TNFSF10: variants seen among roughly 807,000 people sequenced by gnomAD.
TNFSF10 encodes TNF superfamily member 10.
A neutral mutation model predicts 29.5 loss-of-function variants in TNFSF10; 13 were observed. The observed-to-expected ratio is 0.44, with a 90% confidence interval of 0.29 to 0.70. The LOEUF is 0.70. Among genes scored for constraint, TNFSF10 ranks in the 30% least tolerant of loss-of-function variants. TNFSF10 has a pLI of 0.13. For missense variants in TNFSF10, 345 were observed against 330.9 expected (o/e 1.04, Z -0.33); for synonymous variants, 111 against 112.8 (o/e 0.98, Z 0.10).
intron 4 of TNFSF10, among the ~76,000 whole-genome samples, chr3:172,508,438 G>A (rs544075247): frequency 6.6e-6 from 1 of 152,230 alleles, no homozygotes; most frequent in South Asian, 2.1e-4. Flanking sequence ...GTAAAATATG[G>A]TCAAATATTG....
In TNFSF10 at chr3:172,506,280, T is replaced by A; in HGVS notation, c.*212A>T. On this transcript the variant is annotated 3_prime_UTR_variant, in exon 5 of 5. Coordinates refer to ENST00000241261, the MANE Select transcript of TNFSF10 (RefSeq NM_003810.4). Reference sequence around the variant, plus strand: ...AGTCCTGAAAGATCTTTCAGCAATTTCATTCTCTTGGGATAAGTGAGTCAC... The same window carrying A: ...AGTCCTGAAAGATCTTTCAGCAATTACATTCTCTTGGGATAAGTGAGTCAC... 3.9e-6 allele frequency: 2 copies of A among 516,552 alleles called. No individual in the cohort carries two copies. The highest frequency in any genetic ancestry group is 7.1e-5 in the South Asian group (2 of 28,150). 32.0% of individuals were successfully genotyped at this position (516,552 alleles called of 1,614,324 possible). A position where few individuals can be genotyped will look rare whatever the true frequency, so the allele number is the denominator to read the frequency against.
chr3:172,513,215 A>G (rs1713296681), intron 2 of TNFSF10, among the ~76,000 whole-genome samples: 1 of 152,138 alleles, frequency 6.6e-6, no homozygotes, highest in South Asian at 2.1e-4. Context: ...CTCCCTGTCC[A>G]CAGCACCCAG....
rs1156619481 is a variant in TNFSF10 at position 172,523,240 on chromosome 3, G to C, written c.132+13C>G. Reference sequence around the variant, plus strand: ...AAGCGCCTCGAAGACTGAGTGCACTGCACTGCACTGACCTGCTTCAGCTCG... The same window carrying C: ...AAGCGCCTCGAAGACTGAGTGCACTCCACTGCACTGACCTGCTTCAGCTCG... On this transcript the variant is annotated intron_variant, in intron 1 of 4. Coordinates refer to ENST00000241261, the MANE Select transcript of TNFSF10 (RefSeq NM_003810.4). The C allele has an allele frequency of 6.2e-7, 1 of 1,611,550 alleles. No individual in the cohort carries two copies. The highest frequency in any genetic ancestry group is 8.5e-7 in the Non-Finnish European group (1 of 1,178,180).
chr3:172,506,537 G>A lies in TNFSF10; in HGVS notation c.801C>T (p.Asp267=), dbSNP rs781185875. 1 of 1,613,896 alleles carries A rather than the reference G, an allele frequency of 6.2e-7. No individual in the cohort carries two copies. The highest frequency in any genetic ancestry group is 1.1e-5 in the South Asian group (1 of 90,988). ...FVSVTNEHLI[D]MDHEASFFGA... ...CAAAAAAACTGGCTTCATGGTCCATGTCTATCAAGTGCTCATTTGTTACAG... is the reference window on the plus strand; with the variant it reads ...CAAAAAAACTGGCTTCATGGTCCATATCTATCAAGTGCTCATTTGTTACAG... The change falls in exon 5 of 5, where the codon GAC becomes GAT. Residue 267 remains aspartate (D), a synonymous_variant. Transcript: ENST00000241261.
Position 172,514,870 on chromosome 3 carries a change from G to C in TNFSF10, c.261C>G (p.Leu87=), listed in dbSNP as rs1291288240. ...CWQVKWQLRQ[L]VRKMILRTSE... is the part of the protein sequence containing the mutation. ...TGGTGAGGTTACCTACCTTTCTAAC[G>C]AGCTGACGGAGTTGCCACTTGACTT... The change falls in exon 2 of 5, where the codon CTC becomes CTG. Residue 87 remains leucine, a synonymous_variant. Coordinates refer to ENST00000241261, the MANE Select transcript of TNFSF10 (RefSeq NM_003810.4). The C allele has an allele frequency of 6.2e-7, 1 of 1,614,018 alleles. No individual in the cohort carries two copies. Among genetic ancestry groups the C allele is most frequent in the African/African-American group, 1.3e-5 (1 of 74,894 alleles).
chr3:172,520,060 G>T (rs1264765774), intron 1 of TNFSF10, among the ~76,000 whole-genome samples: 1 of 152,204 alleles, frequency 6.6e-6, no homozygotes, highest in East Asian at 1.9e-4. Flanking sequence ...GTAAAAAGTG[G>T]TTGTGGTGGT....
chr3:172,517,643 A>G, intron 1 of TNFSF10: 13 of 985,406 alleles, frequency 1.3e-5, no homozygotes, highest in Non-Finnish European at 1.6e-5. Context: ...GGGTGAGATC[A>G]GACTGTGTGT....
At chr3:172,521,991 C>T (rs1040368237) in intron 1 of TNFSF10, among the ~76,000 whole-genome samples, 3 of 151,736 alleles carry the variant, frequency 2.0e-5, no homozygotes, top group African/African-American at 7.3e-5. Flanking sequence ...GGGAGTTGAA[C>T]AGTGAGAGCA....
chr3:172,517,387 A>G, intron 1 of TNFSF10: 1 of 985,376 alleles, frequency 1.0e-6, no homozygotes, highest in South Asian at 4.7e-5. Context: ...TCCTGGGTAT[A>G]AGTGGATGGG....
At chr3:172,509,059 T>C (rs1349742027) in intron 4 of TNFSF10, 158 bp downstream of exon 4, 3 of 484,720 alleles carry the variant, frequency 6.2e-6, no homozygotes, top group African/African-American at 6.0e-5. Flanking sequence ...TTGTCTGTAA[T>C]CTTGCATCTG....
chr3:172,511,729 C>A, intron 2 of TNFSF10, 70 bp from the exon 3 acceptor site: 1 of 1,349,692 alleles, frequency 7.4e-7, no homozygotes. Flanking sequence ...ATGCCTATGG[C>A]TCATCTTGCT....
At chr3:172,510,603 G>A (rs1227296434) in intron 3 of TNFSF10, among the ~76,000 whole-genome samples, 1 of 151,982 alleles carries the variant, frequency 6.6e-6, no homozygotes, top group Non-Finnish European at 1.5e-5. Flanking sequence ...ACAGAGTTGT[G>A]TTTCACCTTA....
rs370600128 is a variant in TNFSF10 at position 172,523,328 on chromosome 3, G to A, written c.57C>T (p.Ile19=). 2.3e-5 allele frequency: 37 copies of A among 1,613,958 alleles called. No individual in the cohort carries two copies. Among genetic ancestry groups the A allele is most frequent in the Middle Eastern group, 1.6e-4 (1 of 6,084 alleles). Residue 19 remains isoleucine (I), a synonymous_variant, in exon 1 of 5, where the codon ATC becomes ATT. Transcript: ENST00000241261. The part of the protein sequence containing the change: ...GPSLGQTCVL[I]VIFTVLLQSL... ...ACTGCAGGAGCACTGTGAAGATCAC[G>A]ATCAGCACGCAGGTCTGTCCCAGGC...
chr3:172,514,751 A>G (rs1713360622), intron 2 of TNFSF10, 110 bp downstream of exon 2: 1 of 1,409,128 alleles, frequency 7.1e-7, no homozygotes, highest in Non-Finnish European at 9.6e-7. Context: ...AAGTTTTCTT[A>G]TTTGTAAAAT....
intron 1 of TNFSF10, among the ~76,000 whole-genome samples, chr3:172,520,087 G>T (rs866943157): frequency 6.6e-6 from 1 of 152,138 alleles, no homozygotes; most frequent in African/African-American, 2.4e-5. Context: ...AGGATCTGAC[G>T]TTCCTTGCAG....
chr3:172,522,674 A>G (rs1208093891), intron 1 of TNFSF10, among the ~76,000 whole-genome samples: 2 of 152,230 alleles, frequency 1.3e-5, no homozygotes, highest in Non-Finnish European at 2.9e-5. Flanking sequence ...ACAAAAGGAC[A>G]TTCTATTTAT....
intron 4 of TNFSF10, among the ~76,000 whole-genome samples, chr3:172,508,021 T>C (rs2108444052): frequency 6.6e-6 from 1 of 152,330 alleles, no homozygotes; most frequent in Non-Finnish European, 1.5e-5. Flanking sequence ...GGAGCTGTGA[T>C]TCCAACCTAG....
chr3:172,514,381 CCT>C, intron 2 of TNFSF10, among the ~76,000 whole-genome samples: 2 of 152,306 alleles, frequency 1.3e-5, no homozygotes, highest in Non-Finnish European at 2.9e-5. Context: ...CCCTTCCTTT[CCT>C]CTTTCTTTCC....
At chr3:172,510,599 T>C (rs1272912495) in intron 3 of TNFSF10, among the ~76,000 whole-genome samples, 1 of 151,832 alleles carries the variant, frequency 6.6e-6, no homozygotes, top group Admixed American at 6.6e-5. Context: ...GTATACAGAG[T>C]TGTGTTTCAC....
Sources: gnomAD v4.1 joint callset for allele counts (sites outside exome capture counted in the v4.1 genomes callset) on GRCh38, gnomAD v4.1.1 for gene constraint, MANE v1.5 for transcripts, NCBI Gene and HGNC (gene_info 2026-07-23, HGNC 2026-07-21) for gene names.